KDM1B: variants seen among roughly 807,000 people sequenced by gnomAD.
KDM1B encodes the protein lysine demethylase 1B, also known as lysine-specific histone demethylase 2.
Under a neutral mutation model 107.4 loss-of-function variants are expected in KDM1B, and 63 were observed. The observed-to-expected ratio is 0.59, with a 90% confidence interval of 0.48 to 0.72. The LOEUF (loss-of-function observed/expected upper bound fraction) is 0.72. Among genes scored for constraint, KDM1B ranks in the 30% least tolerant of loss-of-function variants. The probability of loss-of-function intolerance (pLI) is 0.00; values close to 1 mark genes in which losing one functional copy is unlikely to be tolerated. For synonymous variants in KDM1B, 363 were observed against 363.9 expected (o/e 1.00, Z 0.03); for missense variants, 749 against 1,020.8 (o/e 0.73, Z 3.63).
rs1225166611 is a variant in KDM1B, at chr6:18,204,137, T to A, written c.1532-1400T>A. Among the ~76,000 whole-genome samples the A allele has an allele frequency of 6.8e-6, 1 of 147,784 alleles. No individual in the cohort carries two copies. The highest frequency in any genetic ancestry group is 1.5e-5 in the Non-Finnish European group (1 of 66,594). ...TTTTGATGAAAGCCTTGAGCTGTTC[T>A]AAAAAAAAAAATATTTGAAGTAACT... On this transcript the variant is annotated intron_variant, in intron 14 of 21. Coordinates refer to ENST00000650836, the MANE Select transcript of KDM1B (RefSeq NM_001364614.2). The surrounding 1 kb of genome is among the most constrained non-coding windows in gnomAD (Gnocchi z 4.9).
At chr6:18,193,631 T>C (rs1787443001) in intron 10 of KDM1B, among the ~76,000 whole-genome samples, 1 of 152,086 alleles carries the variant, frequency 6.6e-6, no homozygotes, top group South Asian at 2.1e-4. Context: ...ACTTCATGAA[T>C]ACAAACAAAT....
intron 2 of KDM1B, among the ~76,000 whole-genome samples, chr6:18,156,181 G>C (rs1784593818): frequency 1.3e-5 from 2 of 152,226 alleles, no homozygotes; most frequent in African/African-American, 4.8e-5. Flanking sequence ...GTTGAGACTT[G>C]ATGAGCATTG....
In KDM1B at chr6:18,179,836, A is replaced by ACTAGATATTTTTTCTTTTTTTTTTTT. The variant is rs369714077; in HGVS notation, c.535-5936_535-5935insCTAGATATTTTTTCTTTTTTTTTTTT. ...CTATTCCAAAATCTTTCAATTTAGC[A>ACTAGATATTTTTTCTTTTTTTTTTTT]TTGGTTTTTTTTCCTTTTTTTTTTT... On this transcript the variant is annotated intron_variant, in intron 7 of 21. Transcript: ENST00000650836. Among the ~76,000 whole-genome samples the ACTAGATATTTTTTCTTTTTTTTTTTT allele has an allele frequency of 1.2e-4, 10 of 83,518 alleles. 5 individuals are homozygous for ACTAGATATTTTTTCTTTTTTTTTTTT. Among genetic ancestry groups the ACTAGATATTTTTTCTTTTTTTTTTTT allele is most frequent in the African/African-American group, 2.0e-4 (4 of 20,304 alleles). The allele number at this position is 83,518 out of a possible 152,430, so 54.8% of individuals were successfully genotyped here. A position where few individuals can be genotyped will look rare whatever the true frequency, so the allele number is the denominator to read the frequency against.
At chr6:18,202,003 T>G (rs1432053361) in intron 14 of KDM1B, among the ~76,000 whole-genome samples, 1 of 152,214 alleles carries the variant, frequency 6.6e-6, no homozygotes, top group Non-Finnish European at 1.5e-5. Flanking sequence ...CCCTGTAATG[T>G]CTTTTCTAGG....
rs1788293453 is a variant in KDM1B, at chr6:18,205,241, C to T, written c.1532-296C>T. ...AGCAAAAGAGGAAACCACTTCTCAA[C>T]GAAGCGAAATTGAGACGTTTCTGAA... is the stretch of plus-strand genomic sequence containing the variant. On this transcript the variant is annotated intron_variant, in intron 14 of 21. Coordinates refer to ENST00000650836, the MANE Select transcript of KDM1B (RefSeq NM_001364614.2). This position sits in a 1 kb window ranked among gnomAD's most constrained non-coding sequence, Gnocchi z 5.7. 6.6e-6 allele frequency among the ~76,000 whole-genome samples: 1 copy of T among 152,130 alleles called. No individual in the cohort carries two copies. Among genetic ancestry groups the T allele is most frequent in the African/African-American group, 2.4e-5 (1 of 41,488 alleles).
chr6:18,220,764 C>T (rs902433435), intron 21 of KDM1B, among the ~76,000 whole-genome samples: 5 of 151,442 alleles, frequency 3.3e-5, no homozygotes, highest in African/African-American at 4.9e-5. Flanking sequence ...GCGATTATTA[C>T]CTCACCTTTT....
intron 21 of KDM1B, 109 bp from the exon 22 acceptor site, chr6:18,221,800 G>A: frequency 1.2e-6 from 1 of 848,294 alleles, no homozygotes; most frequent in Non-Finnish European, 1.9e-6. Context: ...GAGCACACAG[G>A]AGTGGCACAA....
intron 14 of KDM1B, among the ~76,000 whole-genome samples, chr6:18,202,154 A>G (rs1788073914): frequency 6.6e-6 from 1 of 151,750 alleles, no homozygotes; most frequent in Admixed American, 6.6e-5. Context: ...TAATCCGAAC[A>G]TTTGGGAGGT....
In KDM1B at chr6:18,186,132, C is replaced by G. The variant is rs755415208; in HGVS notation, c.573+322C>G. On this transcript the variant is annotated intron_variant, in intron 8 of 21. Transcript: ENST00000650836. This position sits in a 1 kb window ranked among gnomAD's most constrained non-coding sequence, Gnocchi z 5.6. ...TTCAAGGATGACTTTGTGACCTTTT[C>G]TCCACTTGAGTCCTCCTAAGAAAAG... Among the ~76,000 whole-genome samples, 2 of 152,206 alleles carry G rather than the reference C, an allele frequency of 1.3e-5. No homozygotes were observed. The highest frequency in any genetic ancestry group is 2.9e-5 in the Non-Finnish European group (2 of 68,040).
rs1453091771 is a variant in KDM1B, at chr6:18,162,358, CGTG to C, written c.216-473_216-471del. Among the ~76,000 whole-genome samples, 21 of 152,054 alleles carry C rather than the reference CGTG, an allele frequency of 1.4e-4. No homozygotes were observed. The highest frequency in any genetic ancestry group is 4.8e-4 in the African/African-American group (20 of 41,402). On this transcript the variant is annotated intron_variant, in intron 4 of 21. Coordinates refer to ENST00000650836, the MANE Select transcript of KDM1B (RefSeq NM_001364614.2). The surrounding 1 kb of genome is among the most constrained non-coding windows in gnomAD (Gnocchi z 4.1). ...AAAATATTAAAAATAAACACAAAGA[CGTG>C]GTGATCGTGTTCATAGTGGCATGAT...
At chr6:18,206,967 AC>A (rs1293409804) in intron 15 of KDM1B, among the ~76,000 whole-genome samples, 1 of 152,036 alleles carries the variant, frequency 6.6e-6, no homozygotes, top group Non-Finnish European at 1.5e-5. Flanking sequence ...CCCCTTTGGG[AC>A]CTCTCCATTT....
In KDM1B at chr6:18,212,910, T is replaced by C. The variant is rs1198800807; in HGVS notation, c.1983+306T>C. Among the ~76,000 whole-genome samples the C allele has an allele frequency of 6.6e-5, 10 of 152,220 alleles. No individual in the cohort carries two copies. ...CCTTCTGCTTTCTTTCTTGTCTGCT[T>C]TCCACTCATTGGCCCCAGTGAGGAC... On this transcript the variant is annotated intron_variant, in intron 18 of 21. Transcript: ENST00000650836. The surrounding 1 kb of genome is among the most constrained non-coding windows in gnomAD (Gnocchi z 5.2).
At position 18,214,419 on chromosome 6, in the gene KDM1B, A is replaced by G. The variant is rs780471101; in HGVS notation, c.2110-588A>G. 1.3e-5 allele frequency among the ~76,000 whole-genome samples: 2 copies of G among 152,138 alleles called. No homozygotes were observed. The highest frequency in any genetic ancestry group is 1.3e-4 in the Admixed American group (2 of 15,264). ...AGATTTTCCTTCTCCATCTCTTTCT[A>G]CTTCTTCCGAAGCAAGCTTTAATTA... On this transcript the variant is annotated intron_variant, in intron 19 of 21. Coordinates refer to ENST00000650836, the MANE Select transcript of KDM1B (RefSeq NM_001364614.2). The surrounding 1 kb of genome is among the most constrained non-coding windows in gnomAD (Gnocchi z 4.4).
intron 9 of KDM1B, among the ~76,000 whole-genome samples, chr6:18,190,726 C>T (rs9477664): frequency 0.21 from 31,987 of 151,776 alleles, 4,335 homozygotes; most frequent in African/African-American, 0.39. Flanking sequence ...CATAGTGAAA[C>T]CCATAGCTAC....
intron 2 of KDM1B, among the ~76,000 whole-genome samples, 170 bp downstream of exon 2, chr6:18,156,096 C>G (rs1477152683): frequency 6.6e-6 from 1 of 152,264 alleles, no homozygotes; most frequent in South Asian, 2.1e-4. Flanking sequence ...TTGTTCTTCC[C>G]GGCCGATAGG....
rs1787973299 is a variant in KDM1B at position 18,200,662 on chromosome 6, A to G, written c.1359+86A>G. 1 of 1,274,306 alleles carries G rather than the reference A, an allele frequency of 7.8e-7. No homozygotes were observed. The highest frequency in any genetic ancestry group is 1.1e-6 in the Non-Finnish European group (1 of 929,276). The allele number at this position is 1,274,306 out of a possible 1,614,324, so 78.9% of individuals were successfully genotyped here. A position where few individuals can be genotyped will look rare whatever the true frequency, so the allele number is the denominator to read the frequency against. On this transcript the variant is annotated intron_variant, in intron 13 of 21. Transcript: ENST00000650836. This position sits in a 1 kb window ranked among gnomAD's most constrained non-coding sequence, Gnocchi z 4.3. Reference sequence around the variant, plus strand: ...GTGTGCAGTATTAATATGCTTCTAAAGTAAATTACATATAACAGCCCCCTC... The same window carrying G: ...GTGTGCAGTATTAATATGCTTCTAAGGTAAATTACATATAACAGCCCCCTC...
chr6:18,180,685 C>T (rs1786400872), intron 7 of KDM1B, among the ~76,000 whole-genome samples: 1 of 152,140 alleles, frequency 6.6e-6, no homozygotes, highest in African/African-American at 2.4e-5. Context: ...CCCACGTCAG[C>T]CTCCCGAGTA....
At position 18,172,660 on chromosome 6, in the gene KDM1B, A is replaced by G. The variant is rs932152274; in HGVS notation, c.534+1181A>G. Reference sequence around the variant, plus strand: ...ACCTGGGATTCAAAATATAAACATCATATTTTTATAACGCCTGGAATTCAG... The same window carrying G: ...ACCTGGGATTCAAAATATAAACATCGTATTTTTATAACGCCTGGAATTCAG... On this transcript the variant is annotated intron_variant, in intron 7 of 21. Coordinates refer to ENST00000650836, the MANE Select transcript of KDM1B (RefSeq NM_001364614.2). This position sits in a 1 kb window ranked among gnomAD's most constrained non-coding sequence, Gnocchi z 5.2. Among the ~76,000 whole-genome samples the G allele has an allele frequency of 1.3e-5, 2 of 152,172 alleles. No individual in the cohort carries two copies. The highest frequency in any genetic ancestry group is 4.8e-5 in the African/African-American group (2 of 41,460).
At chr6:18,181,906 G>T (rs1056196049) in intron 7 of KDM1B, among the ~76,000 whole-genome samples, 2 of 151,866 alleles carry the variant, frequency 1.3e-5, no homozygotes, top group Non-Finnish European at 2.9e-5. Context: ...TTTTTGTTAT[G>T]GTTTTGTTTT....
Sources: allele counts gnomAD v4.1 joint callset (sites outside exome capture counted in the v4.1 genomes callset), GRCh38; gene constraint gnomAD v4.1.1; non-coding constraint Gnocchi (gnomAD v3.1); transcripts MANE v1.5; gene names NCBI Gene and HGNC (gene_info 2026-07-23, HGNC 2026-07-21).